NRXN1: variants seen among roughly 807,000 people sequenced by gnomAD.
NRXN1 encodes the protein neurexin 1, also known as neurexin-1.
NRXN1 carries 39 observed loss-of-function variants against 150.9 expected under a neutral mutation model. The ratio of observed to expected loss-of-function variants is 0.26; its 90% CI spans 0.20 to 0.34. The LOEUF is 0.34. Among genes scored for constraint, NRXN1 ranks in the 10% least tolerant of loss-of-function variants. The pLI is 1.00. For synonymous variants in NRXN1, 924 were observed against 757.0 expected, an observed-to-expected ratio of 1.22 and a Z score of -3.62; for missense variants, 1,815 against 1,949.9, an observed-to-expected ratio of 0.93 and a Z score of 1.30.
At chr2:50,665,899 C>T (rs1446797258) in intron 5 of NRXN1, among the ~76,000 whole-genome samples, 3 of 151,710 alleles carry the variant, frequency 2.0e-5, no homozygotes, top group Non-Finnish European at 4.4e-5. Context: ...CTTAAGACAC[C>T]GTTGACATTC....
chr2:50,028,988 C>G (rs1688786648), intron 21 of NRXN1, among the ~76,000 whole-genome samples: 1 of 152,162 alleles, frequency 6.6e-6, no homozygotes, highest in African/African-American at 2.4e-5. Flanking sequence ...GTTTGATGGT[C>G]TGAATGTTTG....
intron 2 of NRXN1, among the ~76,000 whole-genome samples, chr2:51,018,006 G>C (rs1558594791): frequency 6.6e-6 from 1 of 152,028 alleles, no homozygotes; most frequent in South Asian, 2.1e-4. Context: ...TAATTTCCTT[G>C]TCTCCGCTGG....
intron 5 of NRXN1, among the ~76,000 whole-genome samples, chr2:50,698,811 C>A (rs937333367): frequency 3.9e-5 from 6 of 152,128 alleles, no homozygotes; most frequent in Non-Finnish European, 7.4e-5. Context: ...GATATCCATG[C>A]TTTTGCTATT....
At chr2:50,474,893 G>C (rs1230898267) in intron 15 of NRXN1, among the ~76,000 whole-genome samples, 1 of 127,652 alleles carries the variant, frequency 7.8e-6, no homozygotes, top group East Asian at 2.5e-4. Flanking sequence ...ATTTAGATAT[G>C]ACACAAGAAA....
At chr2:50,971,307 G>A (rs956199416) in intron 2 of NRXN1, among the ~76,000 whole-genome samples, 35 of 152,208 alleles carry the variant, frequency 2.3e-4, no homozygotes, top group African/African-American at 7.0e-4. Context: ...ATAACAGGCC[G>A]GGCGTGGTGG....
At chr2:51,018,528 T>C (rs1221580842) in intron 2 of NRXN1, among the ~76,000 whole-genome samples, 1 of 152,072 alleles carries the variant, frequency 6.6e-6, no homozygotes, top group Non-Finnish European at 1.5e-5. Context: ...CACTCCTAAG[T>C]TCAATTTCAA....
intron 17 of NRXN1, among the ~76,000 whole-genome samples, chr2:50,456,624 T>A (rs550028222): frequency 6.6e-6 from 1 of 152,248 alleles, no homozygotes; most frequent in South Asian, 2.1e-4. Flanking sequence ...TGACTTGAAT[T>A]ATTCCTTAAT....
chr2:50,264,349 A>C (rs1022838507), intron 17 of NRXN1, among the ~76,000 whole-genome samples: 1 of 152,102 alleles, frequency 6.6e-6, no homozygotes, highest in South Asian at 2.1e-4. Flanking sequence ...ATTCATTAAC[A>C]TTTCATATCC....
intron 9 of NRXN1, among the ~76,000 whole-genome samples, chr2:50,545,658 T>A (rs930250515): frequency 2.0e-4 from 30 of 152,194 alleles, no homozygotes; most frequent in African/African-American, 7.2e-4. Flanking sequence ...ATACTTCCCA[T>A]GTAGCTCTGC....
chr2:50,683,647 A>AAAAAAAG (rs371672526), intron 5 of NRXN1, among the ~76,000 whole-genome samples: 1 of 30,610 alleles, frequency 3.3e-5, no homozygotes, highest in African/African-American at 2.2e-4. Flanking sequence ...AAAAAAAAAA[A>AAAAAAAG]TATATATATA....
At chr2:50,066,701 G>GA (rs1239862561) in intron 19 of NRXN1, among the ~76,000 whole-genome samples, 2 of 151,640 alleles carry the variant, frequency 1.3e-5, no homozygotes, top group South Asian at 2.1e-4. Context: ...CACGAACCAT[G>GA]AAAAAAAAGA....
intron 12 of NRXN1, chr2:50,526,791 T>C (rs531641914): frequency 2.0e-5 from 3 of 152,306 alleles, no homozygotes; most frequent in African/African-American, 7.2e-5. Flanking sequence ...AGGCTCACAA[T>C]CATTAATTGA....
chr2:50,725,865 T>C (rs530148563), intron 5 of NRXN1, among the ~76,000 whole-genome samples: 1 of 152,248 alleles, frequency 6.6e-6, no homozygotes, highest in African/African-American at 2.4e-5. Context: ...AAGATAATAT[T>C]TGTAAAAATA....
chr2:50,431,297 G>C (rs2084944800), intron 17 of NRXN1, among the ~76,000 whole-genome samples: 1 of 151,990 alleles, frequency 6.6e-6, no homozygotes, highest in African/African-American at 2.4e-5. Context: ...TGACATCCTA[G>C]GTTTTTCCTA....
At chr2:50,960,424 T>C (rs987275285) in intron 2 of NRXN1, among the ~76,000 whole-genome samples, 2 of 151,702 alleles carry the variant, frequency 1.3e-5, no homozygotes, top group African/African-American at 4.8e-5. Flanking sequence ...CTCCGCATTT[T>C]AAATGATTTG....
intron 15 of NRXN1, among the ~76,000 whole-genome samples, chr2:50,495,370 GTGTGTGTGTGGTGT>G (rs1294689441): frequency 1.4e-4 from 1 of 7,170 alleles, no homozygotes; most frequent in African/African-American, 6.4e-4. Flanking sequence ...GTGTGTGTGT[GTGTGTGTGTGGTGT>G]GTGTGTGTGT....
At chr2:50,577,822 C>T (rs1357800502) in intron 8 of NRXN1, among the ~76,000 whole-genome samples, 2 of 151,860 alleles carry the variant, frequency 1.3e-5, no homozygotes, top group Non-Finnish European at 2.9e-5. Context: ...TTGGGAAGCC[C>T]AAGTTTTTAG....
chr2:50,563,208 C>T (rs1183805579), intron 8 of NRXN1, among the ~76,000 whole-genome samples: 1 of 152,112 alleles, frequency 6.6e-6, no homozygotes, highest in Non-Finnish European at 1.5e-5. Flanking sequence ...CTTAAGGGGA[C>T]TTTAGAATAG....
rs540558145 is a variant in NRXN1, at chr2:49,997,002, A to G, written c.4129-53211T>C. Among the ~76,000 whole-genome samples the G allele has an allele frequency of 1.2e-4, 18 of 152,286 alleles. No individual in the cohort carries two copies. The East Asian group carries it at 2.7e-3, about 23-fold the overall frequency. ...TATGTTGTATTTTTTATTTTTATAAAATATATTTGCCTGTCTGCTTCGTTT... is the reference window on the plus strand; with the variant it reads ...TATGTTGTATTTTTTATTTTTATAAGATATATTTGCCTGTCTGCTTCGTTT... On this transcript the variant is annotated intron_variant, in intron 21 of 22. Transcript: ENST00000401669.
Sources: gnomAD v4.1 joint callset for allele counts (sites outside exome capture counted in the v4.1 genomes callset) on GRCh38, gnomAD v4.1.1 for gene constraint, MANE v1.5 for transcripts, NCBI Gene and HGNC (gene_info 2026-07-23, HGNC 2026-07-21) for gene names.